The following EPB41L4B variants were observed in gnomAD, a reference collection of about 807,000 sequenced individuals.
EPB41L4B encodes the protein band 4.1-like protein 4B.
A neutral mutation model predicts 112.5 loss-of-function variants in EPB41L4B; 30 were observed. The ratio of observed to expected loss-of-function variants is 0.27; its 90% CI spans 0.20 to 0.36. EPB41L4B has a LOEUF of 0.36. EPB41L4B is among the 10% of genes least tolerant of loss of function. The pLI, the probability that EPB41L4B is intolerant of heterozygous loss-of-function variation, is 1.00. For missense variants in EPB41L4B, 1,024 were observed against 1,133.3 expected, an observed-to-expected ratio of 0.90 and a Z score of 1.38; for synonymous variants, 408 against 439.7, an observed-to-expected ratio of 0.93 and a Z score of 0.90.
chr9:109,201,765 T>C (rs563115968), intron 19 of EPB41L4B, among the ~76,000 whole-genome samples: 14 of 151,870 alleles, frequency 9.2e-5, no homozygotes, highest in Non-Finnish European at 1.9e-4. Context: ...GAGGTCTCAG[T>C]GGAAGAGCAG....
chr9:109,214,103 C>T (rs1348746828), intron 16 of EPB41L4B, among the ~76,000 whole-genome samples: 1 of 152,162 alleles, frequency 6.6e-6, no homozygotes, highest in African/African-American at 2.4e-5. Context: ...AATTACTTAC[C>T]TTGCAGGGTT....
rs1177203399 is a variant in EPB41L4B, at chr9:109,320,199, G to A, written c.248C>T (p.Ala83Val). Reference sequence around the variant, plus strand: ...CAGGAAGACGCGGCAGTAGAGGGTGGCCTTGGCGGCGCCGGCGGCGGAGAT... The same window carrying A: ...CAGGAAGACGCGGCAGTAGAGGGTGACCTTGGCGGCGCCGGCGGCGGAGAT... ...VHISAAGAAKATLYCRVFLLD... is the reference protein window; with the variant it reads ...VHISAAGAAKVTLYCRVFLLD... Residue 83 changes from alanine to valine, a missense_variant, in exon 1 of 26, where the codon GCC becomes GTC. Transcript: ENST00000374566. 4 of 1,446,390 alleles carry A rather than the reference G, an allele frequency of 2.8e-6. No individual in the cohort carries two copies. The highest frequency in any genetic ancestry group is 1.9e-4 in the Middle Eastern group (1 of 5,290). 89.6% of individuals were successfully genotyped at this position (1,446,390 alleles called of 1,614,324 possible). A position where few individuals can be genotyped will look rare whatever the true frequency, so the allele number is the denominator to read the frequency against.
At chr9:109,244,409 G>C (rs1159865517) in intron 14 of EPB41L4B, among the ~76,000 whole-genome samples, 1 of 136,120 alleles carries the variant, frequency 7.3e-6, no homozygotes, top group African/African-American at 2.7e-5. Flanking sequence ...AGAGAAAGAA[G>C]AGAAGGAAGG....
At chr9:109,270,765 A>G (rs962306936) in intron 2 of EPB41L4B, among the ~76,000 whole-genome samples, 1 of 151,896 alleles carries the variant, frequency 6.6e-6, no homozygotes, top group African/African-American at 2.4e-5. Context: ...CTCTCCCTCT[A>G]CTGTCAAAGT....
intron 1 of EPB41L4B, among the ~76,000 whole-genome samples, chr9:109,301,880 G>A (rs1836982660): frequency 6.6e-6 from 1 of 152,220 alleles, no homozygotes; most frequent in Non-Finnish European, 1.5e-5. Context: ...CCCAGCGTGG[G>A]AGACTGAGCA....
Position 109,226,625 on chromosome 9 carries a change from T to C in EPB41L4B, c.1410-9480A>G, listed in dbSNP as rs988205213. Among the ~76,000 whole-genome samples, 7 of 109,832 alleles carry C rather than the reference T, an allele frequency of 6.4e-5. 1 individual carries two copies. Among genetic ancestry groups the C allele is most frequent in the Admixed American group, 1.1e-4 (1 of 9,062 alleles). The allele number at this position is 109,832 out of a possible 152,430, so 72.1% of individuals were successfully genotyped here. A position where few individuals can be genotyped will look rare whatever the true frequency, so the allele number is the denominator to read the frequency against. On this transcript the variant is annotated intron_variant, in intron 15 of 25. Transcript: ENST00000374566. ...GATTTTTCATATATATATATATATA[T>C]ATATGAAGAATATATATATATATGA...
In EPB41L4B at chr9:109,250,482, C is replaced by A. The variant is rs746201111; in HGVS notation, c.1310+999G>T. 1.9e-4 allele frequency among the ~76,000 whole-genome samples: 29 copies of A among 152,292 alleles called. 1 individual carries two copies. The South Asian group carries it at 2.1e-3, about 11-fold the overall frequency. On this transcript the variant is annotated intron_variant, in intron 13 of 25. Coordinates refer to ENST00000374566, the MANE Select transcript of EPB41L4B (RefSeq NM_019114.5). ...TGAGAGCCTAATGAACCTGGCCTAC[C>A]TACCAGCGGCTGCAGTTCAGACCAA...
At chr9:109,276,243 A>G (rs1835819537) in intron 2 of EPB41L4B, among the ~76,000 whole-genome samples, 2 of 151,380 alleles carry the variant, frequency 1.3e-5, no homozygotes, top group South Asian at 4.2e-4. Context: ...TGGCCACAGA[A>G]GGCAAAATAA....
At chr9:109,276,154 TACACACACAC>T (rs66791042) in intron 2 of EPB41L4B, among the ~76,000 whole-genome samples, 10,520 of 141,646 alleles carry the variant, frequency 0.074, 518 homozygotes, top group African/African-American at 0.11. Context: ...CGTGTGTGTA[TACACACACAC>T]ACACACACAC....
intron 15 of EPB41L4B, among the ~76,000 whole-genome samples, chr9:109,219,377 T>C (rs541571838): frequency 6.6e-6 from 1 of 152,342 alleles, no homozygotes; most frequent in African/African-American, 2.4e-5. Context: ...TTTCCTTTTT[T>C]TGAGATGGAG....
At chr9:109,276,154 TACACACACACACACACACACAC>T (rs66791042) in intron 2 of EPB41L4B, among the ~76,000 whole-genome samples, 26 of 141,730 alleles carry the variant, frequency 1.8e-4, no homozygotes, top group African/African-American at 3.2e-4. Flanking sequence ...CGTGTGTGTA[TACACACACACACACACACACAC>T]ACACACACAC....
Position 109,176,604 on chromosome 9 carries a change from G to T in EPB41L4B, c.2580C>A (p.Val860=). ...TGGTGTAAATGGTCTGCACTGTGGAGACGGTCTCTGTCAAAGGCCTCAGGG... is the reference window on the plus strand; with the variant it reads ...TGGTGTAAATGGTCTGCACTGTGGATACGGTCTCTGTCAAAGGCCTCAGGG... The part of the protein sequence containing the change: ...AATLRPLTET[V]STVQTIYTTR... Residue 860 remains valine, a synonymous_variant, in exon 25 of 26, where the codon GTC becomes GTA. Transcript: ENST00000374566. The T allele has an allele frequency of 6.2e-7, 1 of 1,614,122 alleles. No homozygotes were observed. Among genetic ancestry groups the T allele is most frequent in the East Asian group, 2.2e-5 (1 of 44,878 alleles).
chr9:109,192,847 A>G (rs1408611652), intron 21 of EPB41L4B, among the ~76,000 whole-genome samples: 1 of 152,104 alleles, frequency 6.6e-6, no homozygotes, highest in African/African-American at 2.4e-5. Flanking sequence ...AGCTGCATGG[A>G]TGGCCTCGAG....
At chr9:109,262,954 A>G (rs1360634012) in intron 6 of EPB41L4B, 96 bp downstream of exon 6, 7 of 859,562 alleles carry the variant, frequency 8.1e-6, no homozygotes, top group Non-Finnish European at 1.3e-5. Context: ...TATATCCCCA[A>G]AGCTAAGCAC....
chr9:109,197,832 A>AC (rs973762733), intron 20 of EPB41L4B, among the ~76,000 whole-genome samples: 5 of 151,504 alleles, frequency 3.3e-5, no homozygotes, highest in African/African-American at 9.7e-5. Context: ...AAAAAAAAAA[A>AC]AACAAAAAAA....
In EPB41L4B at chr9:109,264,991, A is replaced by G. The variant is rs775062762; in HGVS notation, c.567T>C (p.Ile189=). ...YLFVLQLRHD[I]LSGKLKCPYE... ...AAAAACATACTTACTTTCCAGAAAG[A>G]ATGTCATGCCTGAGTTGTAAAACAA... Residue 189 remains isoleucine (I), a synonymous_variant, in exon 5 of 26, where the codon ATT becomes ATC. Transcript: ENST00000374566. The G allele has an allele frequency of 1.2e-6, 2 of 1,607,820 alleles. No individual in the cohort carries two copies. The highest frequency in any genetic ancestry group is 1.7e-6 in the Non-Finnish European group (2 of 1,178,576).
chr9:109,250,452 A>T (rs1834742071), intron 13 of EPB41L4B, among the ~76,000 whole-genome samples: 1 of 152,126 alleles, frequency 6.6e-6, no homozygotes, highest in Admixed American at 6.6e-5. Context: ...TGCGCCTGGG[A>T]TGACTGAGAG....
At chr9:109,267,576 G>A in intron 3 of EPB41L4B, 25 bp from the exon 4 acceptor site, 1 of 1,498,508 alleles carries the variant, frequency 6.7e-7, no homozygotes, top group Non-Finnish European at 9.3e-7. Flanking sequence ...ATGGAAGGTT[G>A]AAGATGTTTT....
chr9:109,227,123 C>A (rs898536459), intron 15 of EPB41L4B, among the ~76,000 whole-genome samples: 4 of 152,116 alleles, frequency 2.6e-5, no homozygotes, highest in African/African-American at 4.8e-5. Context: ...CAGGCATGAG[C>A]CTCTGTGCCT....
Sources: allele counts gnomAD v4.1 joint callset (sites outside exome capture counted in the v4.1 genomes callset), GRCh38; gene constraint gnomAD v4.1.1; transcripts MANE v1.5; gene names NCBI Gene and HGNC (gene_info 2026-07-23, HGNC 2026-07-21).